Variants in DDX11 observed in about 807,000 individuals in gnomAD.
DDX11 encodes the protein ATP-dependent DNA helicase DDX11.
In DDX11, 72 loss-of-function variants were observed where a neutral mutation model predicts 125.2. The ratio of observed to expected loss-of-function variants is 0.58; its 90% confidence interval spans 0.48 to 0.70. DDX11 has a LOEUF of 0.70. Among genes scored for constraint, DDX11 ranks in the 30% least tolerant of loss-of-function variants. DDX11 has a pLI of 0.00. For missense variants in DDX11, 883 were observed against 1,165.0 expected, an observed-to-expected ratio of 0.76 and a Z score of 3.52; for synonymous variants, 347 against 452.6, an observed-to-expected ratio of 0.77 and a Z score of 2.96.
chr12:31,086,465 A>G (rs1370176058), intron 5 of DDX11, among the ~76,000 whole-genome samples: 5 of 151,602 alleles, frequency 3.3e-5, no homozygotes, highest in Non-Finnish European at 7.4e-5. Flanking sequence ...GCGCATGTGA[A>G]CTTCGACTTC....
chr12:31,095,667 CG>C (rs1256407195), intron 14 of DDX11, among the ~76,000 whole-genome samples: 3 of 152,190 alleles, frequency 2.0e-5, no homozygotes, highest in Non-Finnish European at 1.5e-5. Context: ...CTGTGACAGC[CG>C]CCAGGCCTGA....
chr12:31,096,675 A>G lies in DDX11; in HGVS notation c.1560A>G (p.Ser520=), dbSNP rs1945299886. 1 of 1,613,802 alleles carries G rather than the reference A, an allele frequency of 6.2e-7. No homozygotes were observed. Among genetic ancestry groups the G allele is most frequent in the South Asian group, 1.1e-5 (1 of 91,058 alleles). ...GFTERYGAVF[S]SREQPKLAGF... ...CTGAACGGTACGGAGCAGTGTTCTC[A>G]TCCCGGGAGCAGCCCAAACTGGCTG... The change falls in exon 16 of 27, where the codon TCA becomes TCG. Residue 520 remains serine (S), a synonymous_variant. Transcript: ENST00000542838.
rs1942515199 is a variant in DDX11, at chr12:31,083,904, C to T, written c.236C>T (p.Thr79Ile). 5 of 1,613,872 alleles carry T rather than the reference C, an allele frequency of 3.1e-6. No individual in the cohort carries two copies. In the East Asian group the frequency reaches 1.1e-4, roughly 36 times the overall value. Residue 79 changes from threonine to isoleucine, a missense_variant, in exon 3 of 27, where the codon ACT becomes ATT. Physicochemically the swap from Thr to Ile is moderately conservative, Grantham distance 89. Transcript: ENST00000542838. ...GAAGAAGAGGCACGACTCCTTGAAA[C>T]TGGAACTGGCCCCTTACATGATGAG... ...KREEEARLLE[T>I]GTGPLHDEKD...
At chr12:31,097,835 A>G (rs201669233) in intron 17 of DDX11, 50 bp from the exon 18 acceptor site, 1 of 1,117,532 alleles carries the variant, frequency 8.9e-7, no homozygotes, top group Non-Finnish European at 1.4e-6. Context: ...CTGGGACGAC[A>G]GAAGTGTCTG....
At chr12:31,086,502 G>A (rs1234051100) in intron 5 of DDX11, among the ~76,000 whole-genome samples, 13 of 151,728 alleles carry the variant, frequency 8.6e-5, no homozygotes, top group African/African-American at 2.7e-4. Context: ...AGAGACCACC[G>A]TGTTGCTTTA....
chr12:31,088,453 A>G (rs1274572816), intron 6 of DDX11, among the ~76,000 whole-genome samples: 2 of 152,102 alleles, frequency 1.3e-5, no homozygotes, highest in African/African-American at 4.8e-5. Flanking sequence ...TGGGTCTCTC[A>G]TGGTGTGCTT....
In DDX11 at chr12:31,089,447, G is replaced by A. The variant is rs567458716; in HGVS notation, c.837G>A (p.Gln279=). The change falls in exon 8 of 27, where the codon CAG becomes CAA. Residue 279 remains glutamine, a synonymous_variant. Coordinates refer to ENST00000542838, the MANE Select transcript of DDX11 (RefSeq NM_030653.4). ...ACGTGAAAAGCCTAGGTTCTGTGCA[G>A]CTTATCAACGACCGCTGTGTGGACA... ...NEDVKSLGSV[Q]LINDRCVDMQ... is the part of the protein sequence containing the mutation. 1.2e-6 allele frequency: 2 copies of A among 1,613,982 alleles called. No individual in the cohort carries two copies. The highest frequency in any genetic ancestry group is 2.7e-5 in the African/African-American group (2 of 75,038).
chr12:31,080,556 T>G (rs748968455), intron 2 of DDX11, among the ~76,000 whole-genome samples: 2 of 151,502 alleles, frequency 1.3e-5, no homozygotes, highest in Non-Finnish European at 2.9e-5. Context: ...TTTCTGAGAA[T>G]GAGTGGGGGA....
intron 18 of DDX11, among the ~76,000 whole-genome samples, chr12:31,099,985 C>T (rs1164804683): frequency 1.3e-5 from 2 of 152,170 alleles, no homozygotes; most frequent in Non-Finnish European, 2.9e-5. Context: ...CTGACCATCG[C>T]TCCTCTAGTG....
chr12:31,076,771 A>G (rs889723580), intron 1 of DDX11: 2 of 152,268 alleles, frequency 1.3e-5, no homozygotes, highest in African/African-American at 4.8e-5. Flanking sequence ...CTCTCTCAGG[A>G]TTGAATTGTA....
At position 31,101,103 on chromosome 12, in the gene DDX11, G is replaced by C. The variant is rs543344084; in HGVS notation, c.2025G>C (p.Thr675=). ...TCTCCAACCAGCCGCTGGAATTCAC[G>C]TTCCAGAAAAGAGAGCTGCCTCAGA... ...SGISNQPLEF[T]FQKRELPQMM... Residue 675 remains threonine (T), a synonymous_variant, in exon 20 of 27, where the codon ACG becomes ACC. Transcript: ENST00000542838. 6.2e-7 allele frequency: 1 copy of C among 1,614,174 alleles called. No individual in the cohort carries two copies. The highest frequency in any genetic ancestry group is 8.5e-7 in the Non-Finnish European group (1 of 1,180,028).
At chr12:31,101,810 C>T (rs769365745) in intron 20 of DDX11, 23 bp from the exon 21 acceptor site, 1 of 1,613,892 alleles carries the variant, frequency 6.2e-7, no homozygotes, top group Non-Finnish European at 8.5e-7. Context: ...GGGGCTCCCT[C>T]CCTCCCTCCT....
At chr12:31,098,101 A>G (rs1428956515) in intron 18 of DDX11, 104 bp downstream of exon 18, 1 of 767,454 alleles carries the variant, frequency 1.3e-6, no homozygotes, top group Non-Finnish European at 2.2e-6. Context: ...GCCCCAAGCC[A>G]GAAAGGGTCA....
At position 31,096,500 on chromosome 12, in the gene DDX11, T is replaced by G. The variant is rs578081197; in HGVS notation, c.1521+121T>G. On this transcript the variant is annotated intron_variant, in intron 15 of 26. Coordinates refer to ENST00000542838, the MANE Select transcript of DDX11 (RefSeq NM_030653.4). ...AGAGTCCCCTTCGTCTCCACTCTCC[T>G]TGGTGCAGTGGGCCTTGCTGGGGTG... is the stretch of plus-strand genomic sequence containing the variant. The G allele has an allele frequency of 6.9e-6, 11 of 1,597,244 alleles. No individual in the cohort carries two copies. The African/African-American group carries it at 1.3e-4, about 19-fold the overall frequency.
intron 2 of DDX11, among the ~76,000 whole-genome samples, chr12:31,080,287 T>A (rs868729770): frequency 6.6e-6 from 1 of 151,772 alleles, no homozygotes; most frequent in Admixed American, 6.6e-5. Context: ...GGAGGTGGTC[T>A]GGGGAAGGGG....
At chr12:31,103,430 G>A (rs1332226341) in intron 25 of DDX11, 35 bp downstream of exon 25, 3 of 1,602,824 alleles carry the variant, frequency 1.9e-6, no homozygotes, top group Non-Finnish European at 2.6e-6. Flanking sequence ...GTGGACAGAT[G>A]GGGGCTGGAG....
intron 14 of DDX11, among the ~76,000 whole-genome samples, 154 bp from the exon 15 acceptor site, chr12:31,096,187 T>G (rs1163777168): frequency 6.6e-6 from 1 of 150,960 alleles, no homozygotes; most frequent in Non-Finnish European, 1.5e-5. Context: ...GGAGAGGAGA[T>G]GACAAGGTTG....
In DDX11 at chr12:31,103,593, C is replaced by T. The variant is rs781148570; in HGVS notation, c.2553C>T (p.His851=). 2.5e-6 allele frequency: 4 copies of T among 1,613,970 alleles called. No individual in the cohort carries two copies. In the Admixed American group the frequency reaches 6.7e-5, roughly 27 times the overall value. ...CCTATGCAGGCAGGGCCATCAGGCACCAGAAGGATTTTGCCAGCGTAGTGC... is the reference window on the plus strand; with the variant it reads ...CCTATGCAGGCAGGGCCATCAGGCATCAGAAGGATTTTGCCAGCGTAGTGC... The part of the protein sequence containing the change: ...VNQSIGRAIR[H]QKDFASVVLL... Residue 851 remains histidine (H), a synonymous_variant, in exon 26 of 27, where the codon CAC becomes CAT. Transcript: ENST00000542838.
At chr12:31,090,587 C>G (rs1426568622) in intron 9 of DDX11, among the ~76,000 whole-genome samples, 1 of 152,188 alleles carries the variant, frequency 6.6e-6, no homozygotes, top group African/African-American at 2.4e-5. Flanking sequence ...TTCTCTGCCT[C>G]AACTTCTCTT....
Sources: gnomAD v4.1 joint callset for allele counts (sites outside exome capture counted in the v4.1 genomes callset) on GRCh38, gnomAD v4.1.1 for gene constraint, MANE v1.5 for transcripts, NCBI Gene and HGNC (gene_info 2026-07-23, HGNC 2026-07-21) for gene names.